Variants in LDLRAD4 observed in about 807,000 individuals in gnomAD.
LDLRAD4 encodes low density lipoprotein receptor class A domain containing 4.
Under a neutral mutation model 17.0 loss-of-function variants are expected in LDLRAD4, and 5 were observed. The observed-to-expected ratio is 0.29, with a 90% CI of 0.15 to 0.62. The LOEUF is 0.62. Among genes scored for constraint, LDLRAD4 ranks in the 20% least tolerant of loss-of-function variants. The pLI is 0.84. For synonymous variants in LDLRAD4, 168 were observed against 171.8 expected (o/e 0.98, Z 0.17); for missense variants, 340 against 424.7 (o/e 0.80, Z 1.75).
At chr18:13,430,941 T>G (rs978564329) in intron 2 of LDLRAD4, among the ~76,000 whole-genome samples, 3 of 152,218 alleles carry the variant, frequency 2.0e-5, no homozygotes, top group Non-Finnish European at 4.4e-5. Context: ...AAAGGAAATG[T>G]GTCTGAAGTA....
chr18:13,478,152 C>G (rs1461829237), intron 3 of LDLRAD4, among the ~76,000 whole-genome samples: 1 of 152,214 alleles, frequency 6.6e-6, no homozygotes, highest in African/African-American at 2.4e-5. Flanking sequence ...CTGCTTTCCC[C>G]CAGACCCTCT....
At chr18:13,466,582 C>T (rs2092624958) in intron 3 of LDLRAD4, among the ~76,000 whole-genome samples, 2 of 151,788 alleles carry the variant, frequency 1.3e-5, no homozygotes, top group South Asian at 4.1e-4. Context: ...TTGACAAACT[C>T]TTAACCTTCT....
chr18:13,631,653 C>T (rs2041671149), intron 4 of LDLRAD4, among the ~76,000 whole-genome samples: 1 of 152,160 alleles, frequency 6.6e-6, no homozygotes, highest in Non-Finnish European at 1.5e-5. Context: ...ACTGGCTGCG[C>T]ACAGTGACTC....
intron 2 of LDLRAD4, among the ~76,000 whole-genome samples, chr18:13,401,070 G>C (rs567786909): frequency 6.6e-6 from 1 of 152,190 alleles, no homozygotes; most frequent in South Asian, 2.1e-4. Flanking sequence ...TGATAGGAGG[G>C]CAAGGTGAGG....
At chr18:13,295,480 C>T (rs1386225762) in intron 1 of LDLRAD4, among the ~76,000 whole-genome samples, 2 of 152,242 alleles carry the variant, frequency 1.3e-5, no homozygotes, top group Admixed American at 1.3e-4. Flanking sequence ...AAGTCAGCTG[C>T]ATCGTGCATG....
intron 1 of LDLRAD4, among the ~76,000 whole-genome samples, chr18:13,320,941 C>T (rs568613641): frequency 2.6e-5 from 4 of 152,322 alleles, no homozygotes; most frequent in African/African-American, 4.8e-5. Context: ...TAACAAGCCA[C>T]GCCTGTGTCT....
the LDLRAD4 span, chr18:13,278,188 G>GGTAA: frequency 6.6e-6 from 1 of 152,340 alleles, no homozygotes; most frequent in South Asian, 2.1e-4. Flanking sequence ...TAGTGTAAAA[G>GGTAA]GTAAGTGGAA....
chr18:13,571,819 G>A (rs1159304658), intron 3 of LDLRAD4, among the ~76,000 whole-genome samples: 1 of 152,096 alleles, frequency 6.6e-6, no homozygotes, highest in Non-Finnish European at 1.5e-5. Flanking sequence ...TGTGTTTTTA[G>A]TAGAGACGAG....
intron 1 of LDLRAD4, among the ~76,000 whole-genome samples, chr18:13,385,570 C>T (rs570684198): frequency 3.9e-5 from 6 of 152,226 alleles, no homozygotes; most frequent in Non-Finnish European, 8.8e-5. Flanking sequence ...GTTTGGTTTT[C>T]TCTCTGAGTT....
At chr18:13,485,119 A>C (rs573163121) in intron 3 of LDLRAD4, among the ~76,000 whole-genome samples, 1 of 152,208 alleles carries the variant, frequency 6.6e-6, no homozygotes, top group East Asian at 1.9e-4. Context: ...GCATCCAGGG[A>C]TGTGAGTGGA....
At chr18:13,248,135 A>AT (rs1220502655) in intron 1 of LDLRAD4, among the ~76,000 whole-genome samples, 4 of 151,458 alleles carry the variant, frequency 2.6e-5, no homozygotes, top group East Asian at 3.9e-4. Flanking sequence ...TAATTTTGGT[A>AT]TTTTTTTAGT....
rs1353416554 is a variant in LDLRAD4, at chr18:13,610,300, TTTTTTG to T, written c.182-10816_182-10811del. ...TTTTTTTTTTTTTTTTTTTTTTTTT[TTTTTTG>T]AGACGGAGTCTCACTCTGTCGCCCA... On this transcript the variant is annotated intron_variant, in intron 3 of 5. Coordinates refer to ENST00000359446, the Ensembl canonical transcript of LDLRAD4. 2.8e-3 allele frequency among the ~76,000 whole-genome samples: 181 copies of T among 64,286 alleles called. 10 individuals are homozygous for T. The highest frequency in any genetic ancestry group is 5.2e-3 in the African/African-American group (77 of 14,808). The allele number at this position is 64,286 out of a possible 152,430, so 42.2% of individuals were successfully genotyped here. A position where few individuals can be genotyped will look rare whatever the true frequency, so the allele number is the denominator to read the frequency against.
At chr18:13,321,293 T>C (rs1648069150) in intron 1 of LDLRAD4, among the ~76,000 whole-genome samples, 2 of 152,240 alleles carry the variant, frequency 1.3e-5, no homozygotes, top group South Asian at 4.1e-4. Flanking sequence ...TCCTGAACAT[T>C]ATGAGTCTGT....
At chr18:13,356,264 G>A (rs2083336686) in intron 1 of LDLRAD4, among the ~76,000 whole-genome samples, 1 of 152,242 alleles carries the variant, frequency 6.6e-6, no homozygotes, top group African/African-American at 2.4e-5. Flanking sequence ...TCCATCCAAT[G>A]GGAATCTCCT....
chr18:13,540,467 T>C (rs1149359), intron 3 of LDLRAD4, among the ~76,000 whole-genome samples: 139,785 of 152,140 alleles, frequency 0.92, 65,369 homozygotes, highest in East Asian at 1. Flanking sequence ...ATAACCTTTT[T>C]TTCTTCTTCT....
intron 1 of LDLRAD4, among the ~76,000 whole-genome samples, chr18:13,326,718 G>A (rs2081557258): frequency 6.6e-6 from 1 of 152,056 alleles, no homozygotes; most frequent in African/African-American, 2.4e-5. Flanking sequence ...GCATTGCCTG[G>A]CTCACCCTCT....
chr18:13,281,845 T>G (rs1031925870), intron 1 of LDLRAD4, among the ~76,000 whole-genome samples: 1 of 152,200 alleles, frequency 6.6e-6, no homozygotes, highest in Non-Finnish European at 1.5e-5. Context: ...CATCTCACCA[T>G]TGTCCCCGAT....
At chr18:13,482,533 A>T (rs2093118592) in intron 3 of LDLRAD4, among the ~76,000 whole-genome samples, 1 of 152,248 alleles carries the variant, frequency 6.6e-6, no homozygotes. Flanking sequence ...CCACTCAGAA[A>T]CAAAAGTGAA....
intron 3 of LDLRAD4, chr18:13,542,174 A>G (rs963549352): frequency 6.6e-6 from 1 of 152,164 alleles, no homozygotes; most frequent in African/African-American, 2.4e-5. Flanking sequence ...TATGTTGGGG[A>G]ATCAGTTCAT....
Sources: gnomAD v4.1 joint callset for allele counts (sites outside exome capture counted in the v4.1 genomes callset) on GRCh38, gnomAD v4.1.1 for gene constraint, MANE v1.5 for transcripts, NCBI Gene and HGNC (gene_info 2026-07-23, HGNC 2026-07-21) for gene names.